HDLBP: variants seen among roughly 807,000 people sequenced by gnomAD.
HDLBP encodes vigilin.
Under a neutral mutation model 137.3 loss-of-function variants are expected in HDLBP, and 30 were observed. The observed-to-expected ratio is 0.22, with a 90% confidence interval of 0.16 to 0.30. The LOEUF (loss-of-function observed/expected upper bound fraction) is 0.30, where lower values mean the gene tolerates loss of function less well. HDLBP is among the 10% of genes least tolerant of loss of function. The probability of loss-of-function intolerance (pLI) is 1.00; values close to 1 mark genes in which losing one functional copy is unlikely to be tolerated. For synonymous variants in HDLBP, 606 were observed against 596.0 expected, an observed-to-expected ratio of 1.02 and a Z score of -0.24; for missense variants, 1,119 against 1,667.3, an observed-to-expected ratio of 0.67 and a Z score of 5.73.
chr2:241,276,352 C>T (rs1253960756), intron 1 of HDLBP, among the ~76,000 whole-genome samples: 3 of 151,920 alleles, frequency 2.0e-5, no homozygotes, highest in African/African-American at 7.3e-5. Context: ...GTATTCATTA[C>T]GATGTACATT....
rs1416861338 is a variant in HDLBP, at chr2:241,272,464, G to A, written c.-102-3923C>T. ...GGGGGAGCCCAGCTTGCAGCCAAGA[G>A]CGGCCCAGCGGCGCCACCGGACTTG... On this transcript the variant is annotated intron_variant, in intron 1 of 27. Transcript: ENST00000310931. This position sits in a 1 kb window ranked among gnomAD's most constrained non-coding sequence, Gnocchi z 5.6. The A allele has an allele frequency of 1.0e-6, 1 of 984,552 alleles. No homozygotes were observed. Among genetic ancestry groups the A allele is most frequent in the Non-Finnish European group, 1.2e-6 (1 of 829,688 alleles). 61.0% of individuals were successfully genotyped at this position (984,552 alleles called of 1,614,324 possible). A position where few individuals can be genotyped will look rare whatever the true frequency, so the allele number is the denominator to read the frequency against.
chr2:241,278,998 G>A (rs564321706), intron 1 of HDLBP, among the ~76,000 whole-genome samples: 81 of 152,146 alleles, frequency 5.3e-4, no homozygotes, highest in African/African-American at 1.7e-3. Flanking sequence ...GCACTGCCGC[G>A]TGAGCAACAG....
chr2:241,241,014 A>G (rs1288906409), intron 17 of HDLBP, among the ~76,000 whole-genome samples: 1 of 152,202 alleles, frequency 6.6e-6, no homozygotes, highest in Non-Finnish European at 1.5e-5. Context: ...AGACTCTGCT[A>G]CTTTTCAAAG....
At position 241,229,866 on chromosome 2, in the gene HDLBP, C is replaced by T. The variant is rs1483243241; in HGVS notation, c.3687G>A (p.Arg1229=). ...AKAPSRGFVV[R]DAPWTASSSE... ...TGCTGCTGGCGGTCCAGGGTGCGTC[C>T]CGCACCACAAAGCCTCTGGAAGGTG... Residue 1229 remains arginine (R), a synonymous_variant, in exon 27 of 28, where the codon CGG becomes CGA. Transcript: ENST00000310931. The T allele has an allele frequency of 6.3e-7, 1 of 1,582,696 alleles. No homozygotes were observed. The highest frequency in any genetic ancestry group is 1.3e-5 in the African/African-American group (1 of 74,356).
chr2:241,246,616 C>T (rs1352313423), intron 16 of HDLBP, 136 bp downstream of exon 16: 2 of 836,082 alleles, frequency 2.4e-6, no homozygotes, highest in African/African-American at 1.7e-5. Flanking sequence ...TCATCAGTAG[C>T]CTGGATTGAA....
Position 241,230,590 on chromosome 2 carries a change from G to A in HDLBP, c.3474+169C>T, listed in dbSNP as rs2069622265. On this transcript the variant is annotated intron_variant, in intron 25 of 27. Coordinates refer to ENST00000310931, the MANE Select transcript of HDLBP (RefSeq NM_005336.6). The surrounding 1 kb of genome is among the most constrained non-coding windows in gnomAD (Gnocchi z 5.0). ...ACCGTGGCAGTGCAGCCTCACACAG[G>A]CCGTCGCCTGCACTGACCCGTGGTG... Among the ~76,000 whole-genome samples, 4 of 152,238 alleles carry A rather than the reference G, an allele frequency of 2.6e-5. No homozygotes were observed. In the South Asian group the frequency reaches 8.3e-4, roughly 32 times the overall value.
chr2:241,308,456 CAATT>C (rs758446243), intron 1 of HDLBP, among the ~76,000 whole-genome samples: 24 of 152,212 alleles, frequency 1.6e-4, no homozygotes, highest in Non-Finnish European at 2.9e-4. Context: ...TCTTTTGCCT[CAATT>C]AGTCACACAG....
In HDLBP at chr2:241,239,860, C is replaced by G; in HGVS notation, c.2392-40G>C. ...AGAGATGGAAGATAAGCCACCCCAT[C>G]ACGGCCCCAGCAGAGTCGGCCGCCG... On this transcript the variant is annotated intron_variant, in intron 18 of 27. Coordinates refer to ENST00000310931, the MANE Select transcript of HDLBP (RefSeq NM_005336.6). The surrounding 1 kb of genome is among the most constrained non-coding windows in gnomAD (Gnocchi z 4.6). The G allele has an allele frequency of 1.2e-5, 20 of 1,611,972 alleles. No individual in the cohort carries two copies. Among genetic ancestry groups the G allele is most frequent in the Non-Finnish European group, 1.7e-5 (20 of 1,178,260 alleles).
At chr2:241,295,241 T>G (rs1168294534) in intron 1 of HDLBP, among the ~76,000 whole-genome samples, 1 of 152,196 alleles carries the variant, frequency 6.6e-6, no homozygotes, top group Non-Finnish European at 1.5e-5. Context: ...TGAACAATAT[T>G]TCCCCAAAGT....
intron 1 of HDLBP, among the ~76,000 whole-genome samples, chr2:241,314,708 T>C (rs1388275993): frequency 2.0e-5 from 3 of 152,172 alleles, no homozygotes; most frequent in African/African-American, 7.2e-5. Flanking sequence ...ATGGAGAGGA[T>C]ATGTAGCAGC....
intron 1 of HDLBP, chr2:241,270,950 T>G (rs1013579675): frequency 1.0e-6 from 1 of 980,998 alleles, no homozygotes; most frequent in South Asian, 4.7e-5. Flanking sequence ...CCTCAGATAT[T>G]AATCTAATCC....
intron 1 of HDLBP, among the ~76,000 whole-genome samples, chr2:241,287,658 G>A (rs968829797): frequency 1.3e-5 from 2 of 152,038 alleles, no homozygotes; most frequent in Non-Finnish European, 2.9e-5. Context: ...CCTGGCCTCA[G>A]TGATCTGCCT....
At chr2:241,302,546 AC>A (rs1181467933) in intron 1 of HDLBP, 2 of 152,258 alleles carry the variant, frequency 1.3e-5, no homozygotes, top group East Asian at 3.8e-4. Context: ...CTGTTTCAAA[AC>A]AAATTGGTAA....
intron 7 of HDLBP, 64 bp downstream of exon 7, chr2:241,256,120 C>G: frequency 2.9e-6 from 4 of 1,398,410 alleles, no homozygotes; most frequent in Middle Eastern, 1.8e-4. Context: ...TTAACTGAAT[C>G]TCCAGACCCA....
At chr2:241,308,316 T>C (rs2075646831) in intron 1 of HDLBP, among the ~76,000 whole-genome samples, 1 of 152,190 alleles carries the variant, frequency 6.6e-6, no homozygotes, top group African/African-American at 2.4e-5. Context: ...AATCCACATC[T>C]GGGCAACAGA....
chr2:241,267,446 A>G (rs2073761366), intron 2 of HDLBP: 2 of 802,586 alleles, frequency 2.5e-6, no homozygotes, highest in Non-Finnish European at 4.1e-6. Flanking sequence ...AGTCAACACC[A>G]CCCCTAACCG....
chr2:241,291,441 G>A (rs746481284), intron 1 of HDLBP, among the ~76,000 whole-genome samples: 14 of 152,098 alleles, frequency 9.2e-5, no homozygotes, highest in Non-Finnish European at 1.8e-4. Context: ...CGGCTTCCAC[G>A]GGTTGAAGCA....
At chr2:241,264,254 C>T (rs903481474) in intron 4 of HDLBP, among the ~76,000 whole-genome samples, 194 bp downstream of exon 4, 4 of 150,194 alleles carry the variant, frequency 2.7e-5, no homozygotes, top group South Asian at 2.1e-4. Context: ...CCCAGCTACT[C>T]GGGAGGCTGA....
intron 1 of HDLBP, among the ~76,000 whole-genome samples, chr2:241,298,366 A>G (rs2075263501): frequency 6.6e-6 from 1 of 152,066 alleles, no homozygotes; most frequent in Admixed American, 6.5e-5. Context: ...ACTCAGTCTG[A>G]AAAAATAATA....
Sources: allele counts gnomAD v4.1 joint callset (sites outside exome capture counted in the v4.1 genomes callset), GRCh38; gene constraint gnomAD v4.1.1; non-coding constraint Gnocchi (gnomAD v3.1); transcripts MANE v1.5; gene names NCBI Gene and HGNC (gene_info 2026-07-23, HGNC 2026-07-21).